Variants in ELFN1 observed in about 807,000 individuals in gnomAD.
The protein encoded by ELFN1 is extracellular leucine rich repeat and fibronectin type III domain containing 1, also known as protein ELFN1.
ELFN1 carries 6 observed loss-of-function variants against 7.6 expected under a neutral mutation model. The ratio of observed to expected loss-of-function variants is 0.79; its 90% CI spans 0.43 to 1.56. The LOEUF is 1.56. ELFN1 is among the 40% of genes most tolerant of loss of function. The pLI, the probability that ELFN1 is intolerant of heterozygous loss-of-function variation, is 0.01. For synonymous variants in ELFN1, 657 were observed against 588.1 expected (o/e 1.12, Z -1.70); for missense variants, 1,169 against 1,232.2 (o/e 0.95, Z 0.77).
intron 2 of ELFN1, chr7:1,693,368 G>A: frequency 2.1e-6 from 1 of 470,138 alleles, no homozygotes; most frequent in South Asian, 1.5e-5. Flanking sequence ...TGCCCAGTGT[G>A]CCTGGACAGC....
intron 2 of ELFN1, among the ~76,000 whole-genome samples, chr7:1,697,353 G>T (rs1453370746): frequency 6.6e-6 from 1 of 152,102 alleles, no homozygotes; most frequent in South Asian, 2.1e-4. Flanking sequence ...CCTCCTCCAC[G>T]GGGATATCTG....
intron 1 of ELFN1, among the ~76,000 whole-genome samples, chr7:1,679,744 TCCCTTCC>T (rs1299990424): frequency 6.6e-6 from 1 of 152,056 alleles, no homozygotes; most frequent in East Asian, 1.9e-4. Flanking sequence ...AGAATGAGGG[TCCCTTCC>T]CCCTGCCCCC....
At chr7:1,687,730 GT>G (rs1297625050) in intron 1 of ELFN1, among the ~76,000 whole-genome samples, 2 of 152,084 alleles carry the variant, frequency 1.3e-5, no homozygotes, top group Non-Finnish European at 2.9e-5. Flanking sequence ...AGGTCTAAAT[GT>G]TAAATCTAAA....
intron 3 of ELFN1, among the ~76,000 whole-genome samples, chr7:1,727,714 T>A (rs942988827): frequency 2.0e-5 from 3 of 152,044 alleles, no homozygotes; most frequent in African/African-American, 7.3e-5. Flanking sequence ...GCTCAAGGAA[T>A]CCTCCTGCCT....
intron 3 of ELFN1, among the ~76,000 whole-genome samples, chr7:1,743,185 C>T (rs985890652): frequency 1.3e-5 from 2 of 152,268 alleles, no homozygotes; most frequent in East Asian, 3.9e-4. Context: ...CTGGGGCTTC[C>T]CCGCCTACAG....
chr7:1,741,588 G>A (rs181759707), intron 3 of ELFN1, among the ~76,000 whole-genome samples: 1 of 152,334 alleles, frequency 6.6e-6, no homozygotes, highest in East Asian at 1.9e-4. Flanking sequence ...GGGCATGGTG[G>A]TACGGAAAGG....
intron 3 of ELFN1, among the ~76,000 whole-genome samples, chr7:1,730,555 TAC>T (rs1780306066): frequency 6.6e-6 from 1 of 152,230 alleles, no homozygotes; most frequent in Non-Finnish European, 1.5e-5. Context: ...ATTAATAAAC[TAC>T]ACAGTGTCCA....
chr7:1,744,876 A>G lies in ELFN1; in HGVS notation c.280A>G (p.Asn94Asp). The G allele has an allele frequency of 6.4e-7, 1 of 1,570,038 alleles. No individual in the cohort carries two copies. The highest frequency in any genetic ancestry group is 8.6e-7 in the Non-Finnish European group (1 of 1,156,848). Residue 94 changes from asparagine to aspartate, a missense_variant, in exon 4 of 4, where the codon AAC becomes GAC. This residue lies in a region of ELFN1 where 255 missense variants were observed against 359.6 expected (regional missense o/e 0.71). Coordinates refer to ENST00000424383, the MANE Select transcript of ELFN1 (RefSeq NM_001128636.4). ...CCTCACGTACCTCAACCTCACCAAG[A>G]ACGAGATCGGCTACATCGAGGACGG... is the stretch of plus-strand genomic sequence containing the variant. Reference protein sequence around the residue: ...GNLTYLNLTKNEIGYIEDGAF... With the variant: ...GNLTYLNLTKDEIGYIEDGAF...
chr7:1,684,033 C>G (rs1337552254), intron 1 of ELFN1, among the ~76,000 whole-genome samples: 1 of 152,160 alleles, frequency 6.6e-6, no homozygotes, highest in Non-Finnish European at 1.5e-5. Context: ...ACCTGTAGTC[C>G]TAGCTGCTTG....
At chr7:1,679,685 CG>C (rs1778938920) in intron 1 of ELFN1, among the ~76,000 whole-genome samples, 1 of 152,156 alleles carries the variant, frequency 6.6e-6, no homozygotes, top group Admixed American at 6.5e-5. Context: ...TCCCACCAAG[CG>C]GGGTGGCATT....
intron 2 of ELFN1, among the ~76,000 whole-genome samples, chr7:1,702,703 AT>A: frequency 6.6e-6 from 1 of 151,484 alleles, no homozygotes; most frequent in African/African-American, 2.5e-5. Context: ...TATTTTATTA[AT>A]TTTGGTAACA....
At position 1,746,809 on chromosome 7, in the gene ELFN1, A is replaced by G. The variant is rs1275058502; in HGVS notation, c.2213A>G (p.Glu738Gly). 2 of 1,534,286 alleles carry G rather than the reference A, an allele frequency of 1.3e-6. No individual in the cohort carries two copies. Among genetic ancestry groups the G allele is most frequent in the Non-Finnish European group, 1.8e-6 (2 of 1,142,018 alleles). Residue 738 changes from glutamate to glycine, a missense_variant, in exon 4 of 4, where the codon GAG (glutamate) becomes GGG (glycine). By Grantham distance (98) the Glu-to-Gly change is moderately conservative (BLOSUM62 -2). Coordinates refer to ENST00000424383, the MANE Select transcript of ELFN1 (RefSeq NM_001128636.4). ...CTGGGGCGCAAGGCGTCCATCCTGG[A>G]GCCACTCACCCGGCCGCGGCCCCGC... Reference protein sequence around the residue: ...EGLGRKASILEPLTRPRPRDL... With the variant: ...EGLGRKASILGPLTRPRPRDL...
At chr7:1,682,443 A>AT (rs569842208) in intron 1 of ELFN1, among the ~76,000 whole-genome samples, 5 of 151,348 alleles carry the variant, frequency 3.3e-5, no homozygotes, top group South Asian at 2.1e-4. Flanking sequence ...ATTTTATTTT[A>AT]TTTTTTTTAT....
At chr7:1,671,045 C>T (rs1050451342) in intron 1 of ELFN1, among the ~76,000 whole-genome samples, 1 of 152,188 alleles carries the variant, frequency 6.6e-6, no homozygotes, top group African/African-American at 2.4e-5. Context: ...GAGGAGGCTG[C>T]CAAGCCTCCG....
chr7:1,707,509 G>T (rs771808428), intron 2 of ELFN1, among the ~76,000 whole-genome samples: 4 of 152,188 alleles, frequency 2.6e-5, no homozygotes, highest in Non-Finnish European at 5.9e-5. Flanking sequence ...GGGTGCCCTG[G>T]GAGGGGCCTT....
intron 3 of ELFN1, among the ~76,000 whole-genome samples, chr7:1,715,802 C>A (rs950428052): frequency 6.6e-6 from 1 of 152,232 alleles, no homozygotes; most frequent in African/African-American, 2.4e-5. Flanking sequence ...ATTCCCTCCT[C>A]CCCCTGGGTC....
At chr7:1,722,601 C>A (rs953254467) in intron 3 of ELFN1, among the ~76,000 whole-genome samples, 1 of 152,028 alleles carries the variant, frequency 6.6e-6, no homozygotes, top group African/African-American at 2.4e-5. Context: ...AACTTCCACT[C>A]CAGTACTTTA....
intron 3 of ELFN1, chr7:1,738,777 T>C (rs1728805294): frequency 6.6e-6 from 1 of 151,934 alleles, no homozygotes; most frequent in Non-Finnish European, 1.5e-5. Flanking sequence ...GGCCCTGGGA[T>C]GCCACAGCAG....
At chr7:1,716,071 A>C (rs559348099) in intron 3 of ELFN1, among the ~76,000 whole-genome samples, 1 of 152,276 alleles carries the variant, frequency 6.6e-6, no homozygotes, top group Non-Finnish European at 1.5e-5. Flanking sequence ...GCTCTTCCTC[A>C]GTGAGTTGGG....
Sources: allele counts gnomAD v4.1 joint callset (sites outside exome capture counted in the v4.1 genomes callset), GRCh38; gene constraint gnomAD v4.1.1; regional missense constraint gnomAD v4.1.1; transcripts MANE v1.5; gene names NCBI Gene and HGNC (gene_info 2026-07-23, HGNC 2026-07-21).